Variants in LOXHD1 observed in about 807,000 individuals in gnomAD.
LOXHD1 encodes lipoxygenase homology domain-containing protein 1.
LOXHD1 carries 205 observed loss-of-function variants against 248.2 expected under a neutral mutation model. The ratio of observed to expected loss-of-function variants is 0.83; its 90% CI spans 0.74 to 0.93. The LOEUF (loss-of-function observed/expected upper bound fraction) is 0.93, where lower values mean the gene tolerates loss of function less well. Ranked by LOEUF, LOXHD1 falls within the 40% of genes least tolerant of loss-of-function variation. The probability of loss-of-function intolerance (pLI) is 0.00; values close to 1 mark genes in which losing one functional copy is unlikely to be tolerated. For synonymous variants in LOXHD1, 1,113 were observed against 1,162.8 expected (o/e 0.96, Z 0.87); for missense variants, 2,930 against 2,971.6 (o/e 0.99, Z 0.33).
chr18:46,509,084 A>G lies in LOXHD1; in HGVS notation c.5517+614T>C, dbSNP rs565395640. On this transcript the variant is annotated intron_variant, in intron 35 of 40. Coordinates refer to ENST00000642948, the MANE Select transcript of LOXHD1 (RefSeq NM_001384474.1). ...TATGTGTGTGCATATGTGCCCATGC[A>G]TATGTATGCTGGGAAAAGCGGGAGG... Among the ~76,000 whole-genome samples, 99 of 152,274 alleles carry G rather than the reference A, an allele frequency of 6.5e-4. 1 individual carries two copies. In the South Asian group the frequency reaches 0.02, roughly 31 times the overall value.
At chr18:46,538,086 G>T in intron 26 of LOXHD1, 70 bp downstream of exon 26, 1 of 1,384,206 alleles carries the variant, frequency 7.2e-7, no homozygotes. Flanking sequence ...GTTCTGCCCT[G>T]AAGGTAGGGC....
chr18:46,531,222 C>T (rs1434951238), intron 28 of LOXHD1, among the ~76,000 whole-genome samples: 1 of 152,092 alleles, frequency 6.6e-6, no homozygotes, highest in African/African-American at 2.4e-5. Context: ...ACCAGCCACA[C>T]TTGCTCCCAC....
intron 37 of LOXHD1, among the ~76,000 whole-genome samples, chr18:46,496,697 A>G (rs1406095949): frequency 6.6e-6 from 1 of 152,184 alleles, no homozygotes; most frequent in African/African-American, 2.4e-5. Context: ...TCTCAACCAC[A>G]TGGGCTCAAT....
chr18:46,596,505 T>C (rs2038258812), intron 8 of LOXHD1, among the ~76,000 whole-genome samples: 1 of 152,124 alleles, frequency 6.6e-6, no homozygotes, highest in African/African-American at 2.4e-5. Context: ...CTTTACAAAA[T>C]GGAGATTCCA....
chr18:46,547,276 T>A (rs1421156091), intron 21 of LOXHD1, among the ~76,000 whole-genome samples: 1 of 152,128 alleles, frequency 6.6e-6, no homozygotes, highest in Non-Finnish European at 1.5e-5. Context: ...CTCTAGACAC[T>A]CCATTGAAAA....
At position 46,586,996 on chromosome 18, in the gene LOXHD1, G is replaced by A. The variant is rs576007520; in HGVS notation, c.1654+4937C>T. On this transcript the variant is annotated intron_variant, in intron 12 of 40. Coordinates refer to ENST00000642948, the MANE Select transcript of LOXHD1 (RefSeq NM_001384474.1). ...CTTGTTAGAAGAACAGGCAAAGAAC[G>A]ACTGATTGTACATAGAGGCCTGCCT... Among the ~76,000 whole-genome samples the A allele has an allele frequency of 3.3e-5, 5 of 152,264 alleles. No individual in the cohort carries two copies. The East Asian group carries it at 5.8e-4, about 18-fold the overall frequency.
intron 4 of LOXHD1, among the ~76,000 whole-genome samples, chr18:46,622,687 T>A (rs559629336): frequency 6.6e-6 from 1 of 152,348 alleles, no homozygotes; most frequent in African/African-American, 2.4e-5. Context: ...AGGAGTCCCC[T>A]TTCTCTGTTG....
At chr18:46,513,295 T>C (rs1460566362) in intron 34 of LOXHD1, among the ~76,000 whole-genome samples, 4 of 152,262 alleles carry the variant, frequency 2.6e-5, no homozygotes, top group Non-Finnish European at 5.9e-5. Context: ...GCTCTGTGGA[T>C]TGTAGCCCCT....
intron 29 of LOXHD1, among the ~76,000 whole-genome samples, chr18:46,527,231 G>T (rs1254575155): frequency 1.3e-5 from 2 of 151,742 alleles, no homozygotes; most frequent in East Asian, 3.9e-4. Flanking sequence ...CATATTTATT[G>T]AATGCCCACT....
chr18:46,654,717 G>A (rs897933663), intron 1 of LOXHD1, among the ~76,000 whole-genome samples: 1 of 152,204 alleles, frequency 6.6e-6, no homozygotes, highest in South Asian at 2.1e-4. Flanking sequence ...TGGGGGAACC[G>A]TTGTTCTAGC....
At chr18:46,616,698 T>C (rs2038592471) in intron 5 of LOXHD1, among the ~76,000 whole-genome samples, 1 of 152,222 alleles carries the variant, frequency 6.6e-6, no homozygotes, top group Non-Finnish European at 1.5e-5. Flanking sequence ...TTTGCTAATT[T>C]AGCCGTCACT....
Position 46,593,600 on chromosome 18 carries a change from C to G in LOXHD1, c.1431G>C (p.Arg477Ser). The change falls in exon 10 of 41, where the codon AGG (arginine) becomes AGC (serine). Residue 477 changes from arginine (R) to serine (S), a missense_variant and splice_region_variant. Coordinates refer to ENST00000642948, the MANE Select transcript of LOXHD1 (RefSeq NM_001384474.1). ...WFKPGIIEKF[R>S]IELPDLGRFY... Reference sequence around the variant, plus strand: ...CCCATCCATCACAATCCTCTCCTACCCTAAACTTCTCGATTATGCCGGGTT... The same window carrying G: ...CCCATCCATCACAATCCTCTCCTACGCTAAACTTCTCGATTATGCCGGGTT... The G allele has an allele frequency of 6.4e-7, 1 of 1,552,254 alleles. No homozygotes were observed. Among genetic ancestry groups the G allele is most frequent in the Non-Finnish European group, 8.7e-7 (1 of 1,147,094 alleles).
intron 11 of LOXHD1, among the ~76,000 whole-genome samples, chr18:46,592,283 C>CA (rs1328596175): frequency 1.3e-5 from 2 of 151,926 alleles, no homozygotes; most frequent in African/African-American, 4.8e-5. Context: ...ATGCAAGCCC[C>CA]CCAAACACCT....
chr18:46,582,129 T>C (rs1183294236), intron 12 of LOXHD1, among the ~76,000 whole-genome samples: 1 of 152,130 alleles, frequency 6.6e-6, no homozygotes, highest in Non-Finnish European at 1.5e-5. Context: ...CATAAGTAAA[T>C]ACATAGAAAA....
chr18:46,517,164 T>G (rs1032592000), intron 34 of LOXHD1, among the ~76,000 whole-genome samples: 1 of 152,172 alleles, frequency 6.6e-6, no homozygotes, highest in Non-Finnish European at 1.5e-5. Context: ...TCTCTGGTTC[T>G]TAAGATGTCA....
intron 28 of LOXHD1, among the ~76,000 whole-genome samples, chr18:46,531,989 C>T (rs1312121839): frequency 6.6e-6 from 1 of 152,204 alleles, no homozygotes; most frequent in Non-Finnish European, 1.5e-5. Context: ...AGCTGTTTTA[C>T]TTCTGGTGAC....
intron 31 of LOXHD1, among the ~76,000 whole-genome samples, chr18:46,522,852 G>A (rs1288356740): frequency 6.6e-6 from 1 of 152,178 alleles, no homozygotes; most frequent in Non-Finnish European, 1.5e-5. Context: ...TGTCCATAGA[G>A]TTGTAGTTTC....
chr18:46,648,857 G>A (rs1343848829), intron 2 of LOXHD1, among the ~76,000 whole-genome samples: 2 of 152,086 alleles, frequency 1.3e-5, no homozygotes, highest in African/African-American at 4.8e-5. Flanking sequence ...AGAGAGACTG[G>A]GCCAAAGTCA....
intron 20 of LOXHD1, chr18:46,559,082 G>T: frequency 8.3e-7 from 1 of 1,205,184 alleles, no homozygotes; most frequent in Non-Finnish European, 1.1e-6. Flanking sequence ...ACCTGCCAAG[G>T]CCCAGTTTAA....
Sources: allele counts gnomAD v4.1 joint callset (sites outside exome capture counted in the v4.1 genomes callset), GRCh38; gene constraint gnomAD v4.1.1; transcripts MANE v1.5; gene names NCBI Gene and HGNC (gene_info 2026-07-23, HGNC 2026-07-21).